Variants in PDSS2 observed in about 807,000 individuals in gnomAD.
PDSS2 encodes decaprenyl diphosphate synthase subunit 2.
Under a neutral mutation model 44.5 loss-of-function variants are expected in PDSS2, and 31 were observed. The ratio of observed to expected loss-of-function variants is 0.70; its 90% CI spans 0.52 to 0.94. PDSS2 has a LOEUF of 0.94. PDSS2 is among the 40% of genes least tolerant of loss of function. The probability of loss-of-function intolerance (pLI) is 0.00; values close to 1 mark genes in which losing one functional copy is unlikely to be tolerated. For synonymous variants in PDSS2, 157 were observed against 180.3 expected (o/e 0.87, Z 1.03); for missense variants, 452 against 482.2 (o/e 0.94, Z 0.59).
chr6:107,443,373 C>G (rs1781566917), intron 1 of PDSS2, among the ~76,000 whole-genome samples: 1 of 152,190 alleles, frequency 6.6e-6, no homozygotes, highest in Non-Finnish European at 1.5e-5. Context: ...CTGGCCACAA[C>G]CTTTCCTTTG....
chr6:107,259,575 T>C (rs937139592), intron 3 of PDSS2, among the ~76,000 whole-genome samples: 5 of 151,784 alleles, frequency 3.3e-5, no homozygotes, highest in African/African-American at 1.2e-4. Flanking sequence ...CTTGGGAGGC[T>C]GAGGCAGAAG....
intron 2 of PDSS2, among the ~76,000 whole-genome samples, chr6:107,310,201 C>T (rs1217760334): frequency 1.3e-5 from 2 of 148,600 alleles, no homozygotes; most frequent in African/African-American, 2.5e-5. Flanking sequence ...AGGAGAATCA[C>T]TTGAACCTGG....
At chr6:107,365,498 AG>A (rs1417359848) in intron 1 of PDSS2, among the ~76,000 whole-genome samples, 1 of 152,176 alleles carries the variant, frequency 6.6e-6, no homozygotes, top group African/African-American at 2.4e-5. Flanking sequence ...TAGCAAAATC[AG>A]ACTTACATCA....
chr6:107,180,670 C>T (rs752449658), intron 7 of PDSS2, among the ~76,000 whole-genome samples: 10 of 152,076 alleles, frequency 6.6e-5, no homozygotes, highest in Non-Finnish European at 1.2e-4. Flanking sequence ...TCTTCATCAA[C>T]GATCTAAGCC....
At chr6:107,310,282 C>A in intron 2 of PDSS2, among the ~76,000 whole-genome samples, 1 of 69,856 alleles carries the variant, frequency 1.4e-5, no homozygotes. Flanking sequence ...AAGACTCCAT[C>A]CCAAAAAAAA....
chr6:107,252,255 A>G (rs769212693), intron 3 of PDSS2, among the ~76,000 whole-genome samples: 12 of 152,214 alleles, frequency 7.9e-5, no homozygotes, highest in Non-Finnish European at 1.6e-4. Context: ...ACTTCTTCCT[A>G]TCAAACTAGG....
intron 2 of PDSS2, among the ~76,000 whole-genome samples, chr6:107,287,314 T>A (rs1186308549): frequency 6.6e-6 from 1 of 152,154 alleles, no homozygotes; most frequent in African/African-American, 2.4e-5. Context: ...ACCTTTCACA[T>A]TCGCTTGAAC....
intron 7 of PDSS2, among the ~76,000 whole-genome samples, chr6:107,172,214 T>C (rs7774958): frequency 0.2 from 31,181 of 152,192 alleles, 3,812 homozygotes; most frequent in Middle Eastern, 0.34. Context: ...ATGATACATG[T>C]TGCTCTTACA....
At chr6:107,201,390 CA>C (rs747612959) in intron 6 of PDSS2, among the ~76,000 whole-genome samples, 948 of 52,142 alleles carry the variant, frequency 0.018, 1 homozygote, top group African/African-American at 0.073. Context: ...CATACAAAAG[CA>C]AAAAAAAAAA....
chr6:107,274,004 A>G, intron 3 of PDSS2, 25 bp downstream of exon 3: 2 of 1,599,614 alleles, frequency 1.3e-6, no homozygotes, highest in Non-Finnish European at 1.7e-6. Context: ...CCATTCAGGT[A>G]CAACAAAACC....
chr6:107,155,949 G>A (rs1312756752), intron 7 of PDSS2, among the ~76,000 whole-genome samples: 1 of 134,940 alleles, frequency 7.4e-6, no homozygotes, highest in Non-Finnish European at 1.5e-5. Context: ...GAGTGCAGTG[G>A]CATGATCTTG....
chr6:107,152,653 G>T lies in PDSS2; in HGVS notation c.*1966C>A, dbSNP rs1343730993. 3 of 151,860 alleles carry T rather than the reference G, an allele frequency of 2.0e-5. No homozygotes were observed. Among genetic ancestry groups the T allele is most frequent in the African/African-American group, 7.3e-5 (3 of 41,346 alleles). The allele number at this position is 151,860 out of a possible 1,614,324, so 9.4% of individuals were successfully genotyped here. ...CTCATTGTACAGATGAGAAAATTGA[G>T]GCTCAGAAGGAAGTGACTTGTGCAA... On this transcript the variant is annotated 3_prime_UTR_variant, in exon 8 of 8. Transcript: ENST00000369037.
intron 1 of PDSS2, among the ~76,000 whole-genome samples, chr6:107,412,500 A>G (rs1027539922): frequency 1.1e-4 from 17 of 152,262 alleles, no homozygotes; most frequent in Non-Finnish European, 2.2e-4. Context: ...TCGGCCTCCC[A>G]AAGTGCTGGG....
At chr6:107,419,384 GT>G (rs1365367487) in intron 1 of PDSS2, among the ~76,000 whole-genome samples, 1 of 152,110 alleles carries the variant, frequency 6.6e-6, no homozygotes, top group Non-Finnish European at 1.5e-5. Flanking sequence ...CTTCTTCAAT[GT>G]TTTTTATTTG....
At chr6:107,365,034 A>G (rs1778920358) in intron 1 of PDSS2, among the ~76,000 whole-genome samples, 1 of 152,232 alleles carries the variant, frequency 6.6e-6, no homozygotes, top group Non-Finnish European at 1.5e-5. Context: ...AATGGAAGTG[A>G]TATTAGACAG....
chr6:107,379,996 A>G (rs1291435398), intron 1 of PDSS2, among the ~76,000 whole-genome samples: 1 of 151,894 alleles, frequency 6.6e-6, no homozygotes. Flanking sequence ...ATATTTAGAA[A>G]TATTTTTTCT....
rs530887884 is a variant in PDSS2, at chr6:107,358,515, G to A, written c.297-24183C>T. Among the ~76,000 whole-genome samples, 8 of 152,240 alleles carry A rather than the reference G, an allele frequency of 5.3e-5. No individual in the cohort carries two copies. In the East Asian group the frequency reaches 1.4e-3, roughly 26 times the overall value. On this transcript the variant is annotated intron_variant, in intron 1 of 7. Coordinates refer to ENST00000369037, the MANE Select transcript of PDSS2 (RefSeq NM_020381.4). ...TCCACTTATTCCAGAAGTGTTAGGT[G>A]ATTATTCTACACTTCTTGTGCCACA...
chr6:107,408,993 G>A (rs1380408395), intron 1 of PDSS2, among the ~76,000 whole-genome samples: 2 of 152,142 alleles, frequency 1.3e-5, no homozygotes, highest in African/African-American at 4.8e-5. Context: ...AAATAAATAA[G>A]TCAAAGGCAT....
intron 4 of PDSS2, among the ~76,000 whole-genome samples, chr6:107,243,245 T>A (rs118047469): frequency 2.6e-5 from 4 of 152,230 alleles, no homozygotes; most frequent in African/African-American, 9.6e-5. Flanking sequence ...CCATTTGTTA[T>A]GTTTGAATTT....
Sources: gnomAD v4.1 joint callset for allele counts (sites outside exome capture counted in the v4.1 genomes callset) on GRCh38, gnomAD v4.1.1 for gene constraint, MANE v1.5 for transcripts, NCBI Gene and HGNC (gene_info 2026-07-23, HGNC 2026-07-21) for gene names.